Variants in SLIT3 observed in about 807,000 individuals in gnomAD.
The protein encoded by SLIT3 is slit homolog 3 protein.
SLIT3 carries 68 observed loss-of-function variants against 184.0 expected under a neutral mutation model. That is an observed-to-expected ratio of 0.37 (90% confidence interval 0.30 to 0.45). The LOEUF is 0.45. SLIT3 is among the 20% of genes least tolerant of loss of function. SLIT3 has a pLI of 1.00. For synonymous variants in SLIT3, 831 were observed against 828.6 expected (o/e 1.00, Z -0.05); for missense variants, 1,707 against 2,026.0 (o/e 0.84, Z 3.02).
chr5:169,011,562 T>C (rs1756154284), intron 4 of SLIT3, among the ~76,000 whole-genome samples: 3 of 152,226 alleles, frequency 2.0e-5, no homozygotes, highest in African/African-American at 7.2e-5. Context: ...AGGTCCCTTG[T>C]AGACCCCCGA....
rs188921499 is a variant in SLIT3, at chr5:168,973,066, C to T, written c.414-89730G>A. Among the ~76,000 whole-genome samples the T allele has an allele frequency of 3.3e-3, 507 of 152,230 alleles. 10 individuals are homozygous for T. In the South Asian group the frequency reaches 0.049, roughly 15 times the overall value. ...TTTCCAACTTCAGTATGTTAAGCTC[C>T]AGCTTGTCCTTGAAGAGCCCAAAGG... is the stretch of plus-strand genomic sequence containing the variant. On this transcript the variant is annotated intron_variant, in intron 4 of 35. Coordinates refer to ENST00000519560, the MANE Select transcript of SLIT3 (RefSeq NM_003062.4).
chr5:169,263,651 T>A (rs757636223), intron 1 of SLIT3: 2 of 503,356 alleles, frequency 4.0e-6, no homozygotes, highest in South Asian at 1.5e-5. Flanking sequence ...AGGCTTTCTC[T>A]GGGCGTATCT....
chr5:168,961,044 G>A (rs1762987823), intron 4 of SLIT3, among the ~76,000 whole-genome samples: 1 of 152,116 alleles, frequency 6.6e-6, no homozygotes, highest in Non-Finnish European at 1.5e-5. Flanking sequence ...GTGTAATGAG[G>A]AGTCCATGGA....
intron 2 of SLIT3, among the ~76,000 whole-genome samples, chr5:169,246,788 G>C (rs563839419): frequency 6.6e-6 from 1 of 151,624 alleles, no homozygotes; most frequent in Non-Finnish European, 1.5e-5. Context: ...GTGTGGTGGT[G>C]CATGCCTGTA....
intron 29 of SLIT3, among the ~76,000 whole-genome samples, chr5:168,691,499 G>A (rs948931343): frequency 6.6e-6 from 1 of 152,226 alleles, no homozygotes; most frequent in African/African-American, 2.4e-5. Context: ...AAGACCTAGA[G>A]CATGAGCTTC....
At chr5:169,177,617 C>T (rs1477540198) in intron 4 of SLIT3, among the ~76,000 whole-genome samples, 4 of 152,154 alleles carry the variant, frequency 2.6e-5, no homozygotes, top group African/African-American at 9.7e-5. Flanking sequence ...ATTCTAAGTA[C>T]CAGGCTGGGG....
chr5:169,289,728 A>C (rs1767275699), intron 1 of SLIT3, among the ~76,000 whole-genome samples: 1 of 152,238 alleles, frequency 6.6e-6, no homozygotes, highest in African/African-American at 2.4e-5. Flanking sequence ...GAGGGCAAGA[A>C]GCCAAGCTAG....
intron 3 of SLIT3, among the ~76,000 whole-genome samples, chr5:169,213,042 C>T (rs777281854): frequency 6.6e-6 from 1 of 151,928 alleles, no homozygotes; most frequent in Non-Finnish European, 1.5e-5. Context: ...TTGCAGATGA[C>T]ATGATTGTAT....
At position 168,712,360 on chromosome 5, in the gene SLIT3, G is replaced by A; in HGVS notation, c.2484-6C>T. ...TGTCATTGCCATGGAGGGTTCTGAAGCAGAGGGCACAGGTCGGAAGGTTAG... is the reference window on the plus strand; with the variant it reads ...TGTCATTGCCATGGAGGGTTCTGAAACAGAGGGCACAGGTCGGAAGGTTAG... On this transcript the variant is annotated splice_region_variant and splice_polypyrimidine_tract_variant and intron_variant, in intron 23 of 35. Coordinates refer to ENST00000519560, the MANE Select transcript of SLIT3 (RefSeq NM_003062.4). The A allele has an allele frequency of 6.2e-7, 1 of 1,613,986 alleles. No individual in the cohort carries two copies. The highest frequency in any genetic ancestry group is 8.5e-7 in the Non-Finnish European group (1 of 1,179,830).
At chr5:169,213,943 C>A (rs759208162) in intron 3 of SLIT3, among the ~76,000 whole-genome samples, 1 of 152,136 alleles carries the variant, frequency 6.6e-6, no homozygotes, top group Admixed American at 6.5e-5. Flanking sequence ...GTAAGAGTGG[C>A]CAAACGAAGG....
chr5:169,080,436 C>T (rs897601733), intron 4 of SLIT3, among the ~76,000 whole-genome samples: 18 of 152,164 alleles, frequency 1.2e-4, no homozygotes, highest in Non-Finnish European at 2.2e-4. Flanking sequence ...ATCTCCTCCA[C>T]GGCCAAGGCA....
chr5:169,182,197 A>G (rs1275614682), intron 4 of SLIT3, among the ~76,000 whole-genome samples: 4 of 152,238 alleles, frequency 2.6e-5, no homozygotes, highest in African/African-American at 4.8e-5. Context: ...ACGATGGGAA[A>G]AAAGAAACAT....
intron 15 of SLIT3, 136 bp from the exon 16 acceptor site, chr5:168,761,072 A>C (rs1021850837): frequency 1.0e-5 from 7 of 683,810 alleles, no homozygotes; most frequent in Non-Finnish European, 1.8e-5. Context: ...CTTTGACATC[A>C]GTCCCATCAA....
At chr5:169,174,480 A>C (rs1474345833) in intron 4 of SLIT3, among the ~76,000 whole-genome samples, 1 of 151,760 alleles carries the variant, frequency 6.6e-6, no homozygotes, top group Non-Finnish European at 1.5e-5. Context: ...AGTTGGAAAG[A>C]CTCTTGTTCT....
Position 169,247,206 on chromosome 5 carries a change from ACT to A in SLIT3, c.270-2432_270-2431del, listed in dbSNP as rs531409795. Among the ~76,000 whole-genome samples the A allele has an allele frequency of 3.0e-4, 43 of 142,080 alleles. No individual in the cohort carries two copies. In the South Asian group the frequency reaches 9.4e-3, roughly 31 times the overall value. 93.2% of individuals were successfully genotyped at this position (142,080 alleles called of 152,430 possible). Reference sequence around the variant, plus strand: ...ACTCCAGCCTGGGTGACAGAGCAAGACTCTGTCTCAAAAAAAAAAAAAAAAAT... The same window carrying A: ...ACTCCAGCCTGGGTGACAGAGCAAGACTGTCTCAAAAAAAAAAAAAAAAAT... On this transcript the variant is annotated intron_variant, in intron 2 of 35. Transcript: ENST00000519560.
intron 1 of SLIT3, among the ~76,000 whole-genome samples, chr5:169,259,303 A>G (rs1209960287): frequency 6.6e-6 from 1 of 152,088 alleles, no homozygotes; most frequent in East Asian, 1.9e-4. Flanking sequence ...AGGTGATCCA[A>G]CCGCCTCAGC....
intron 4 of SLIT3, among the ~76,000 whole-genome samples, chr5:168,955,867 C>G (rs1762809075): frequency 1.3e-5 from 2 of 152,148 alleles, no homozygotes; most frequent in Non-Finnish European, 2.9e-5. Flanking sequence ...TTCCTGCCCC[C>G]ACCAGAGTAT....
At chr5:168,871,145 G>A (rs151111242) in intron 5 of SLIT3, among the ~76,000 whole-genome samples, 1 of 152,252 alleles carries the variant, frequency 6.6e-6, no homozygotes. Flanking sequence ...CCAGGATCGG[G>A]GTTGTCCTCC....
At chr5:169,082,945 G>A (rs1191842528) in intron 4 of SLIT3, among the ~76,000 whole-genome samples, 1 of 152,118 alleles carries the variant, frequency 6.6e-6, no homozygotes, top group African/African-American at 2.4e-5. Flanking sequence ...TCCACAATTT[G>A]AACTTATGCA....
Sources: allele counts gnomAD v4.1 joint callset (sites outside exome capture counted in the v4.1 genomes callset), GRCh38; gene constraint gnomAD v4.1.1; transcripts MANE v1.5; gene names NCBI Gene and HGNC (gene_info 2026-07-23, HGNC 2026-07-21).